GPR180: variants seen among roughly 807,000 people sequenced by gnomAD.
The protein encoded by GPR180 is integral membrane protein GPR180.
GPR180 carries 53 observed loss-of-function variants against 52.6 expected under a neutral mutation model. That is an observed-to-expected ratio of 1.01 (90% CI 0.81 to 1.27). GPR180 has a LOEUF of 1.27. Among genes scored for constraint, GPR180 ranks in the 50% most tolerant of loss-of-function variants. The pLI is 0.00. For missense variants in GPR180, 533 were observed against 527.0 expected (o/e 1.01, Z -0.11); for synonymous variants, 200 against 193.1 (o/e 1.04, Z -0.30).
chr13:94,608,870 C>T (rs577936637), intron 2 of GPR180, among the ~76,000 whole-genome samples: 1 of 152,246 alleles, frequency 6.6e-6, no homozygotes, highest in East Asian at 1.9e-4. Flanking sequence ...TTGAATGTTG[C>T]TTGACTCTCC....
intron 5 of GPR180, 103 bp downstream of exon 5, chr13:94,619,620 A>G: frequency 1.0e-6 from 1 of 967,150 alleles, no homozygotes; most frequent in Non-Finnish European, 1.6e-6. Flanking sequence ...AATTGTTTAG[A>G]AATCAGCTTG....
intron 3 of GPR180, among the ~76,000 whole-genome samples, chr13:94,613,867 C>CTTTTTTTT (rs770192473): frequency 7.5e-6 from 1 of 133,876 alleles, no homozygotes; most frequent in African/African-American, 2.7e-5. Flanking sequence ...TCCTCAGGTC[C>CTTTTTTTT]TTTTTTTTTT....
chr13:94,623,069 AT>A (rs143343146), intron 6 of GPR180, 39 bp from the exon 7 acceptor site: 286 of 1,430,722 alleles, frequency 2.0e-4, no homozygotes, highest in Middle Eastern at 3.8e-4. Context: ...AATGAGGTAT[AT>A]TTTTTTTTCC....
intron 1 of GPR180, among the ~76,000 whole-genome samples, chr13:94,602,804 C>T (rs1346469957): frequency 2.0e-5 from 3 of 152,262 alleles, no homozygotes; most frequent in East Asian, 1.9e-4. Flanking sequence ...GCAATTCATT[C>T]TAATTTTGGT....
In GPR180 at chr13:94,626,906, A is replaced by G. The variant is rs78455253; in HGVS notation, c.1165-107A>G. The G allele has an allele frequency of 1.1e-3, 841 of 794,620 alleles. 4 individuals carry two copies. The African/African-American group carries it at 0.013, about 12-fold the overall frequency. The allele number at this position is 794,620 out of a possible 1,614,324, so 49.2% of individuals were successfully genotyped here. ...AATGTACCTATGGTAAAGATGAAAG[A>G]TAGAGTATTGTATTTATATAAAAAG... On this transcript the variant is annotated intron_variant, in intron 8 of 8. Coordinates refer to ENST00000376958, the MANE Select transcript of GPR180 (RefSeq NM_180989.6).
chr13:94,617,145 C>T (rs79241230), intron 3 of GPR180, among the ~76,000 whole-genome samples: 4,253 of 152,034 alleles, frequency 0.028, 202 homozygotes, highest in African/African-American at 0.096. Context: ...CAGTAAATAA[C>T]CTGAGGATTT....
intron 2 of GPR180, among the ~76,000 whole-genome samples, chr13:94,610,417 A>G (rs1205555651): frequency 1.3e-5 from 2 of 152,240 alleles, no homozygotes; most frequent in Non-Finnish European, 2.9e-5. Context: ...TTTTAAAAAT[A>G]CTTTGTGTAG....
chr13:94,626,907 T>TA (rs1225644092), intron 8 of GPR180, 106 bp from the exon 9 acceptor site: 21 of 796,282 alleles, frequency 2.6e-5, no homozygotes, highest in African/African-American at 5.4e-5. Context: ...AGATGAAAGA[T>TA]AGAGTATTGT....
intron 7 of GPR180, among the ~76,000 whole-genome samples, chr13:94,624,820 G>A (rs1008846121): frequency 6.6e-5 from 10 of 152,096 alleles, no homozygotes; most frequent in African/African-American, 2.2e-4. Flanking sequence ...GGGATTACAG[G>A]CGTGAGCCAC....
Position 94,633,633 on chromosome 13 carries a change from T to C in GPR180, c.*6462T>C, listed in dbSNP as rs1436337529. 6.6e-6 allele frequency: 1 copy of C among 152,072 alleles called. No individual in the cohort carries two copies. The highest frequency in any genetic ancestry group is 2.4e-5 in the African/African-American group (1 of 41,422). The allele number at this position is 152,072 out of a possible 1,614,324, so 9.4% of individuals were successfully genotyped here. ...TCATTTGTGATATGAGTCTGAACTG[T>C]GTTTCTCAATTTGTGATTTTTCTCT... On this transcript the variant is annotated 3_prime_UTR_variant, in exon 9 of 9. Coordinates refer to ENST00000376958, the MANE Select transcript of GPR180 (RefSeq NM_180989.6).
chr13:94,602,004 G>A lies in GPR180; in HGVS notation c.77G>A (p.Arg26Gln), dbSNP rs746601858. 1 of 1,476,096 alleles carries A rather than the reference G, an allele frequency of 6.8e-7. No homozygotes were observed. The highest frequency in any genetic ancestry group is 9.0e-7 in the Non-Finnish European group (1 of 1,115,842). The allele number at this position is 1,476,096 out of a possible 1,614,324, so 91.4% of individuals were successfully genotyped here. A position where few individuals can be genotyped will look rare whatever the true frequency, so the allele number is the denominator to read the frequency against. Residue 26 changes from arginine (R) to glutamine (Q), a missense_variant, in exon 1 of 9, where the codon CGG becomes CAG. Coordinates refer to ENST00000376958, the MANE Select transcript of GPR180 (RefSeq NM_180989.6). ...CAGGGCAGCCAGGGTAAGACCCTGC[G>A]GGGCAGCTTCAGCAGCACCGCGGCC... The part of the protein sequence containing the change: ...WPQGSQGKTL[R>Q]GSFSSTAAQD...
Position 94,614,526 on chromosome 13 carries a change from C to G in GPR180, c.505+2136C>G, listed in dbSNP as rs151334855. Reference sequence around the variant, plus strand: ...GATCACATTTGTGCCCTGTGCCATGCTTGGACCTCTGAATCCCAGTCATAC... The same window carrying G: ...GATCACATTTGTGCCCTGTGCCATGGTTGGACCTCTGAATCCCAGTCATAC... On this transcript the variant is annotated intron_variant, in intron 3 of 8. Coordinates refer to ENST00000376958, the MANE Select transcript of GPR180 (RefSeq NM_180989.6). Among the ~76,000 whole-genome samples the G allele has an allele frequency of 5.8e-4, 89 of 152,322 alleles. 3 individuals carry two copies. The East Asian group carries it at 0.014, about 24-fold the overall frequency.
intron 3 of GPR180, among the ~76,000 whole-genome samples, chr13:94,613,061 T>C (rs78790971): frequency 2.6e-5 from 4 of 152,344 alleles, no homozygotes; most frequent in East Asian, 1.9e-4. Flanking sequence ...TGACTTCTTA[T>C]GATCATGATG....
intron 5 of GPR180, among the ~76,000 whole-genome samples, chr13:94,620,420 A>C (rs780176738): frequency 1.3e-5 from 2 of 152,222 alleles, no homozygotes; most frequent in Non-Finnish European, 2.9e-5. Context: ...GTTAACCTGG[A>C]TACAGGTGGT....
chr13:94,614,895 G>C (rs1889757978), intron 3 of GPR180, among the ~76,000 whole-genome samples: 1 of 152,196 alleles, frequency 6.6e-6, no homozygotes, highest in African/African-American at 2.4e-5. Context: ...GAAAGTGCCA[G>C]AAGTATCCAA....
intron 2 of GPR180, among the ~76,000 whole-genome samples, chr13:94,610,421 T>C (rs939077971): frequency 6.6e-6 from 1 of 152,224 alleles, no homozygotes; most frequent in African/African-American, 2.4e-5. Context: ...AAAAATACTT[T>C]GTGTAGAATC....
In GPR180 at chr13:94,605,371, A is replaced by C. The variant is rs764092798; in HGVS notation, c.146-20A>C. 6.2e-7 allele frequency: 1 copy of C among 1,613,482 alleles called. No individual in the cohort carries two copies. The highest frequency in any genetic ancestry group is 1.1e-5 in the South Asian group (1 of 91,000). On this transcript the variant is annotated intron_variant, in intron 1 of 8. Transcript: ENST00000376958. The stretch of plus-strand genomic sequence containing the variant: ...TCATGTAAGACCAAACTAGTTGATG[A>C]TTTTTGTTTTAATGTCAAGGTGACC...
intron 1 of GPR180, among the ~76,000 whole-genome samples, chr13:94,603,248 A>T (rs559960405): frequency 2.8e-4 from 42 of 152,210 alleles, no homozygotes; most frequent in Non-Finnish European, 3.8e-4. Context: ...ACGGACTGTA[A>T]CCATACTTTG....
At chr13:94,612,030 A>G (rs1889712665) in intron 2 of GPR180, among the ~76,000 whole-genome samples, 160 bp from the exon 3 acceptor site, 1 of 152,216 alleles carries the variant, frequency 6.6e-6, no homozygotes, top group Non-Finnish European at 1.5e-5. Flanking sequence ...TTCTATAAAT[A>G]TCTGGTTTAC....
Sources: allele counts gnomAD v4.1 joint callset (sites outside exome capture counted in the v4.1 genomes callset), GRCh38; gene constraint gnomAD v4.1.1; transcripts MANE v1.5; gene names NCBI Gene and HGNC (gene_info 2026-07-23, HGNC 2026-07-21).